TSC2: variants seen among roughly 807,000 people sequenced by gnomAD.
TSC2 encodes TSC complex subunit 2.
TSC2 carries 29 observed loss-of-function variants against 202.2 expected under a neutral mutation model. The ratio of observed to expected loss-of-function variants is 0.14; its 90% CI spans 0.11 to 0.20. The LOEUF is 0.20. Among genes scored for constraint, TSC2 ranks in the 10% least tolerant of loss-of-function variants. The probability of loss-of-function intolerance (pLI) is 1.00; values close to 1 mark genes in which losing one functional copy is unlikely to be tolerated. For missense variants in TSC2, 2,429 were observed against 2,420.0 expected (o/e 1.00, Z -0.08); for synonymous variants, 1,349 against 1,044.0 (o/e 1.29, Z -5.63).
chr16:2,066,482 G>C (rs1356515266), intron 16 of TSC2: 1 of 152,064 alleles, frequency 6.6e-6, no homozygotes, highest in Non-Finnish European at 1.5e-5. Context: ...CTTCTCCTAC[G>C]AGGGCTCCGC....
At chr16:2,058,677 C>G in intron 9 of TSC2, 70 bp from the exon 10 acceptor site, 1 of 1,545,530 alleles carries the variant, frequency 6.5e-7, no homozygotes, top group Non-Finnish European at 8.7e-7. Context: ...CCTCGGCAAC[C>G]TCACACATCC....
At chr16:2,048,856 T>C (rs2084710888) in intron 2 of TSC2, 103 bp downstream of exon 2, 5 of 1,522,588 alleles carry the variant, frequency 3.3e-6, no homozygotes, top group Middle Eastern at 2.2e-4. Flanking sequence ...CTGGCAACTG[T>C]CTACACAGGA....
intron 6 of TSC2, chr16:2,055,989 T>C (rs964584353): frequency 6.1e-6 from 4 of 660,960 alleles, no homozygotes; most frequent in East Asian, 5.5e-5. Context: ...GAATGTTGCA[T>C]GAGCTCTGTC....
intron 26 of TSC2, 21 bp downstream of exon 26, chr16:2,077,747 G>C: frequency 6.2e-7 from 1 of 1,610,770 alleles, no homozygotes; most frequent in African/African-American, 1.3e-5. Context: ...TGTCGGGTGG[G>C]GGGCACGGAC....
chr16:2,069,964 C>T (rs1425334006), intron 16 of TSC2, among the ~76,000 whole-genome samples: 1 of 152,198 alleles, frequency 6.6e-6, no homozygotes, highest in Non-Finnish European at 1.5e-5. Flanking sequence ...TTAATCATTT[C>T]TTTAAAAGAA....
At chr16:2,087,040 C>A in intron 38 of TSC2, 169 bp downstream of exon 38, 1 of 1,014,464 alleles carries the variant, frequency 9.9e-7, no homozygotes, top group Non-Finnish European at 1.4e-6. Flanking sequence ...TGCGTTGTGT[C>A]CTCTGTGCCC....
Position 2,058,876 on chromosome 16 carries a change from A to G in TSC2, c.975+3A>G. 1 of 1,607,062 alleles carries G rather than the reference A, an allele frequency of 6.2e-7. No homozygotes were observed. Among genetic ancestry groups the G allele is most frequent in the Non-Finnish European group, 8.5e-7 (1 of 1,177,046 alleles). ...CTGTGTTGCCATCATTTTACCAGGT[A>G]AGGCGGTTTCTGTGTGCAGTGAGCT... On this transcript the variant is annotated splice_donor_region_variant and intron_variant, in intron 10 of 41. Coordinates refer to ENST00000219476, the MANE Select transcript of TSC2 (RefSeq NM_000548.5).
chr16:2,078,828 T>TCCCCACCCAGCGTCTC (rs1293608764), intron 26 of TSC2: 2 of 660,630 alleles, frequency 3.0e-6, no homozygotes, highest in East Asian at 5.5e-5. Flanking sequence ...GGCCTGGTCT[T>TCCCCACCCAGCGTCTC]CCCCACCCAG....
intron 6 of TSC2, chr16:2,055,917 A>G: frequency 1.9e-6 from 1 of 534,276 alleles, no homozygotes; most frequent in Non-Finnish European, 3.4e-6. Context: ...AAAGAGAAGT[A>G]CGTAGCTATC....
At position 2,048,069 on chromosome 16, in the gene TSC2, A is replaced by G. The variant is rs2084566183; in HGVS notation, c.-30+4A>G. The G allele has an allele frequency of 7.0e-7, 1 of 1,423,450 alleles. No individual in the cohort carries two copies. The highest frequency in any genetic ancestry group is 9.1e-7 in the Non-Finnish European group (1 of 1,096,524). 88.2% of individuals were successfully genotyped at this position (1,423,450 alleles called of 1,614,324 possible). ...GAGCGCGGTGGCGCGGCGCGGGGTA[A>G]GTGGCGGTCCCCACGGGGCAAGTGG... On this transcript the variant is annotated splice_donor_region_variant and intron_variant, in intron 1 of 41. Coordinates refer to ENST00000219476, the MANE Select transcript of TSC2 (RefSeq NM_000548.5).
In TSC2 at chr16:2,085,249, C is replaced by T. The variant is rs1567528487; in HGVS notation, c.4589C>T (p.Ser1530Leu). Reference protein sequence around the residue: ...LPNESQSFERSVQLLDQIPSY... With the variant: ...LPNESQSFERLVQLLDQIPSY... ...CCACAGTCACAGTCCTTTGAGCGGT[C>T]GGTGCAGCTCCTCGACCAGATCCCA... is the stretch of plus-strand genomic sequence containing the variant. Residue 1530 changes from serine (S) to leucine (L), a missense_variant, in exon 36 of 42, where the codon TCG becomes TTG. By Grantham distance (145) the Ser-to-Leu change is moderately radical. Coordinates refer to ENST00000219476, the MANE Select transcript of TSC2 (RefSeq NM_000548.5). 6 of 1,612,730 alleles carry T rather than the reference C, an allele frequency of 3.7e-6. No homozygotes were observed. The highest frequency in any genetic ancestry group is 1.3e-5 in the African/African-American group (1 of 75,046).
chr16:2,088,706 G>C lies in TSC2; in HGVS notation c.*96G>C. The stretch of plus-strand genomic sequence containing the variant: ...CCCAGTGCACAGACATAGAGGCACA[G>C]ATTGCAGTCAGACAGCTCTTTTATT... On this transcript the variant is annotated 3_prime_UTR_variant, in exon 42 of 42. Coordinates refer to ENST00000219476, the MANE Select transcript of TSC2 (RefSeq NM_000548.5). 1 of 1,466,774 alleles carries C rather than the reference G, an allele frequency of 6.8e-7. No homozygotes were observed. The allele number at this position is 1,466,774 out of a possible 1,614,324, so 90.9% of individuals were successfully genotyped here.
chr16:2,081,076 C>T (rs1320759851), intron 30 of TSC2: 2 of 237,068 alleles, frequency 8.4e-6, no homozygotes, highest in Non-Finnish European at 8.4e-6. Flanking sequence ...AGGGTCCGCT[C>T]TGGTCCCTTG....
chr16:2,058,711 C>A, intron 9 of TSC2, 36 bp from the exon 10 acceptor site: 1 of 1,560,296 alleles, frequency 6.4e-7, no homozygotes, highest in Non-Finnish European at 8.7e-7. Context: ...GGACAGGGCC[C>A]TGCTCACATT....
At position 2,084,417 on chromosome 16, in the gene TSC2, G is replaced by A. The variant is rs45466399; in HGVS notation, c.4195G>A (p.Gly1399Arg). 2.1e-4 allele frequency: 341 copies of A among 1,611,108 alleles called. 1 individual carries two copies. In the African/African-American group the frequency reaches 3.8e-3, roughly 18 times the overall value. The change falls in exon 34 of 42, where the codon GGG becomes AGG. Residue 1399 changes from glycine (G) to arginine (R), a missense_variant. Gly to Arg is a moderately radical substitution (Grantham distance 125). Coordinates refer to ENST00000219476, the MANE Select transcript of TSC2 (RefSeq NM_000548.5). ...GCTGCAGACTCTGCAGGACATCCTCGGGGACCCTGGGGACAAGGCCGACGT... is the reference window on the plus strand; with the variant it reads ...GCTGCAGACTCTGCAGGACATCCTCAGGGACCCTGGGGACAAGGCCGACGT... The part of the protein sequence containing the change: ...PELQTLQDIL[G>R]DPGDKADVGR...
At chr16:2,048,975 A>T (rs2084731376) in intron 2 of TSC2, among the ~76,000 whole-genome samples, 1 of 152,226 alleles carries the variant, frequency 6.6e-6, no homozygotes, top group Non-Finnish European at 1.5e-5. Flanking sequence ...TCAGATGTTG[A>T]TGAAAGAAAG....
intron 13 of TSC2, 185 bp from the exon 14 acceptor site, chr16:2,062,787 C>A (rs756464336): frequency 3.4e-6 from 3 of 880,042 alleles, no homozygotes; most frequent in African/African-American, 1.7e-5. Context: ...CCTCTCATGA[C>A]GCCACTGGGC....
chr16:2,085,217 C>G lies in TSC2; in HGVS notation c.4570-13C>G, dbSNP rs370549253. ...GGGCGTCTGGGGCTCAGGCAGGGCT[C>G]TGTGTGCCACAGTCACAGTCCTTTG... On this transcript the variant is annotated splice_polypyrimidine_tract_variant and intron_variant, in intron 35 of 41. Transcript: ENST00000219476. The G allele has an allele frequency of 1.4e-5, 22 of 1,612,560 alleles. No individual in the cohort carries two copies. Among genetic ancestry groups the G allele is most frequent in the Admixed American group, 6.7e-5 (4 of 60,002 alleles).
Position 2,083,820 on chromosome 16 carries a change from A to C in TSC2, c.4005+4A>C, listed in dbSNP as rs1454470740. On this transcript the variant is annotated splice_donor_region_variant and intron_variant, in intron 33 of 41. Transcript: ENST00000219476. Reference sequence around the variant, plus strand: ...GCGCACGGATGCCTACAGCAGGGTGAGTGTGGCTCAGAGCCTGGACCCTGC... The same window carrying C: ...GCGCACGGATGCCTACAGCAGGGTGCGTGTGGCTCAGAGCCTGGACCCTGC... 3 of 1,610,044 alleles carry C rather than the reference A, an allele frequency of 1.9e-6. No individual in the cohort carries two copies. In the South Asian group the frequency reaches 3.3e-5, roughly 18 times the overall value.
Sources: gnomAD v4.1 joint callset for allele counts (sites outside exome capture counted in the v4.1 genomes callset) on GRCh38, gnomAD v4.1.1 for gene constraint, MANE v1.5 for transcripts, NCBI Gene and HGNC (gene_info 2026-07-23, HGNC 2026-07-21) for gene names.